Variants in PLPP3 observed in about 807,000 individuals in gnomAD.
The protein encoded by PLPP3 is phospholipid phosphatase 3.
A neutral mutation model predicts 29.6 loss-of-function variants in PLPP3; 6 were observed. That is an observed-to-expected ratio of 0.20 (90% confidence interval 0.11 to 0.40). The LOEUF is 0.40. PLPP3 is among the 10% of genes least tolerant of loss of function. PLPP3 has a pLI of 1.00. For synonymous variants in PLPP3, 152 were observed against 159.7 expected (o/e 0.95, Z 0.36); for missense variants, 308 against 407.7 (o/e 0.76, Z 2.11).
At position 56,578,875 on chromosome 1, in the gene PLPP3, C is replaced by T; in HGVS notation, c.139+3G>A. On this transcript the variant is annotated splice_donor_region_variant and intron_variant, in intron 1 of 5. Transcript: ENST00000371250. The stretch of plus-strand genomic sequence containing the variant: ...GGCCGAGGGACAGCGGGGCTGGGCT[C>T]ACCCATGAAGAGGCAGAAGAGGTCG... 1.0e-5 allele frequency: 16 copies of T among 1,566,614 alleles called. No homozygotes were observed. Among genetic ancestry groups the T allele is most frequent in the African/African-American group, 1.4e-5 (1 of 71,428 alleles).
At chr1:56,556,028 T>G (rs1646074376) in intron 1 of PLPP3, among the ~76,000 whole-genome samples, 1 of 152,148 alleles carries the variant, frequency 6.6e-6, no homozygotes, top group African/African-American at 2.4e-5. Flanking sequence ...GTGATGAAAA[T>G]GTATCATTTT....
chr1:56,551,346 C>T (rs1335197856), intron 1 of PLPP3, among the ~76,000 whole-genome samples: 1 of 127,036 alleles, frequency 7.9e-6, no homozygotes, highest in Non-Finnish European at 1.8e-5. Flanking sequence ...ATTAGCAGAC[C>T]TAGATACAAG....
chr1:56,520,927 A>G (rs1160077529), intron 4 of PLPP3, among the ~76,000 whole-genome samples: 7 of 149,120 alleles, frequency 4.7e-5, no homozygotes, highest in East Asian at 2.0e-4. Flanking sequence ...AAAAAAAAAA[A>G]AAAAAAAAGA....
intron 5 of PLPP3, among the ~76,000 whole-genome samples, chr1:56,505,139 C>T (rs1416515643): frequency 6.6e-6 from 1 of 152,204 alleles, no homozygotes; most frequent in Non-Finnish European, 1.5e-5. Context: ...TCTTTAAGGA[C>T]CAACTCCTTT....
At chr1:56,544,451 C>T (rs1645992320) in intron 1 of PLPP3, among the ~76,000 whole-genome samples, 1 of 152,198 alleles carries the variant, frequency 6.6e-6, no homozygotes, top group African/African-American at 2.4e-5. Context: ...CTTCCCAAGA[C>T]CTCCTTCCTT....
chr1:56,545,470 G>A (rs552319990), intron 1 of PLPP3, among the ~76,000 whole-genome samples: 43 of 152,186 alleles, frequency 2.8e-4, no homozygotes, highest in Admixed American at 1.1e-3. Flanking sequence ...CTTCCCATAC[G>A]CAATCTAATC....
chr1:56,553,355 T>C (rs1321541305), intron 1 of PLPP3, among the ~76,000 whole-genome samples: 9 of 152,140 alleles, frequency 5.9e-5, no homozygotes. Flanking sequence ...CAGCCAGACA[T>C]GTGGAAGATA....
intron 4 of PLPP3, among the ~76,000 whole-genome samples, chr1:56,518,712 CATTT>C (rs755013054): frequency 4.9e-5 from 4 of 81,098 alleles, no homozygotes; most frequent in Admixed American, 1.4e-4. Flanking sequence ...CTTTTTTAAT[CATTT>C]ATATATATAT....
chr1:56,536,543 A>G (rs1004258166), intron 2 of PLPP3, among the ~76,000 whole-genome samples: 5 of 152,224 alleles, frequency 3.3e-5, no homozygotes, highest in African/African-American at 4.8e-5. Flanking sequence ...AGAAAACTAC[A>G]TGAAATGTGG....
chr1:56,558,582 GTATAT>G (rs1290456000), intron 1 of PLPP3, among the ~76,000 whole-genome samples: 2 of 152,288 alleles, frequency 1.3e-5, no homozygotes, highest in East Asian at 1.9e-4. Flanking sequence ...AAGGGTCAGG[GTATAT>G]TCATGTCAAA....
At chr1:56,552,527 C>T (rs2100284919) in intron 1 of PLPP3, among the ~76,000 whole-genome samples, 1 of 152,262 alleles carries the variant, frequency 6.6e-6, no homozygotes, top group Non-Finnish European at 1.5e-5. Flanking sequence ...TACTGACAAC[C>T]TTATTGTGTG....
chr1:56,504,377 A>G (rs1019153519), intron 5 of PLPP3, among the ~76,000 whole-genome samples: 1 of 152,164 alleles, frequency 6.6e-6, no homozygotes, highest in African/African-American at 2.4e-5. Context: ...AAATATTCAT[A>G]GGCTATTAGG....
At chr1:56,561,953 T>C (rs1646132280) in intron 1 of PLPP3, among the ~76,000 whole-genome samples, 1 of 135,478 alleles carries the variant, frequency 7.4e-6, no homozygotes, top group Non-Finnish European at 1.5e-5. Flanking sequence ...GAGAATCACT[T>C]GAACCTGGGA....
At chr1:56,573,290 A>C (rs893622523) in intron 1 of PLPP3, among the ~76,000 whole-genome samples, 1 of 152,220 alleles carries the variant, frequency 6.6e-6, no homozygotes, top group Non-Finnish European at 1.5e-5. Context: ...AAGACACAGG[A>C]CACCTTCAGG....
chr1:56,541,776 C>T (rs1645971078), intron 1 of PLPP3, among the ~76,000 whole-genome samples: 1 of 152,104 alleles, frequency 6.6e-6, no homozygotes, highest in Admixed American at 6.5e-5. Flanking sequence ...CAGCAAATCT[C>T]ATGGCCTCTG....
intron 2 of PLPP3, among the ~76,000 whole-genome samples, chr1:56,533,180 A>T (rs1052207564): frequency 5.9e-5 from 9 of 151,692 alleles, no homozygotes; most frequent in African/African-American, 2.2e-4. Flanking sequence ...TCAGTCTCCC[A>T]AGTAGCTGGA....
chr1:56,561,959 T>C (rs1646132313), intron 1 of PLPP3, among the ~76,000 whole-genome samples: 2 of 128,530 alleles, frequency 1.6e-5, no homozygotes, highest in South Asian at 2.5e-4. Flanking sequence ...CACTTGAACC[T>C]GGGAGGCGGA....
At chr1:56,502,841 T>TGC (rs1557496553) in intron 5 of PLPP3, among the ~76,000 whole-genome samples, 2 of 152,228 alleles carry the variant, frequency 1.3e-5, no homozygotes, top group East Asian at 3.9e-4. Flanking sequence ...GTTCAAAAAC[T>TGC]GTAGCTCTTA....
intron 1 of PLPP3, among the ~76,000 whole-genome samples, chr1:56,576,759 G>A (rs1646238469): frequency 6.6e-6 from 1 of 152,128 alleles, no homozygotes; most frequent in African/African-American, 2.4e-5. Flanking sequence ...TTAGCTTTGG[G>A]GGGACGGGGG....
Sources: gnomAD v4.1 joint callset for allele counts (sites outside exome capture counted in the v4.1 genomes callset) on GRCh38, gnomAD v4.1.1 for gene constraint, MANE v1.5 for transcripts, NCBI Gene and HGNC (gene_info 2026-07-23, HGNC 2026-07-21) for gene names.